OPCML: variants seen among roughly 807,000 people sequenced by gnomAD.
OPCML encodes opioid binding protein/cell adhesion molecule like.
A neutral mutation model predicts 37.8 loss-of-function variants in OPCML; 13 were observed. The observed-to-expected ratio is 0.34, with a 90% CI of 0.22 to 0.55. The LOEUF (loss-of-function observed/expected upper bound fraction) is 0.55, where lower values mean the gene tolerates loss of function less well. Ranked by LOEUF, OPCML falls within the 20% of genes least tolerant of loss-of-function variation. The pLI is 0.91. For synonymous variants in OPCML, 176 were observed against 168.8 expected (o/e 1.04, Z -0.33); for missense variants, 341 against 435.6 (o/e 0.78, Z 1.93).
chr11:133,205,250 G>T lies in OPCML; in HGVS notation c.62-262240C>A, dbSNP rs1378940615. 2.6e-5 allele frequency among the ~76,000 whole-genome samples: 4 copies of T among 152,066 alleles called. No homozygotes were observed. The highest frequency in any genetic ancestry group is 5.9e-5 in the Non-Finnish European group (4 of 68,004). ...GAAGAGCTTCTGGTTGCTGAACACT[G>T]GTAGGTTCCTTGAGGGTGGTGCTCT... On this transcript the variant is annotated intron_variant, in intron 1 of 7. Coordinates refer to ENST00000524381, the MANE Select transcript of OPCML (RefSeq NM_001012393.5). The surrounding 1 kb of genome is among the most constrained non-coding windows in gnomAD (Gnocchi z 4.8).
chr11:132,954,984 C>T (rs1032207982), intron 1 of OPCML, among the ~76,000 whole-genome samples: 1 of 152,108 alleles, frequency 6.6e-6, no homozygotes, highest in African/African-American at 2.4e-5. Context: ...GACAACCATG[C>T]TTTTGATCTG....
chr11:133,373,555 G>A (rs1159941342), intron 1 of OPCML, among the ~76,000 whole-genome samples: 2 of 150,268 alleles, frequency 1.3e-5, no homozygotes, highest in African/African-American at 4.9e-5. Flanking sequence ...AGCCTGGGAG[G>A]TGGAGGTTGC....
At chr11:132,931,637 T>C (rs1591818033) in intron 2 of OPCML, among the ~76,000 whole-genome samples, 1 of 152,136 alleles carries the variant, frequency 6.6e-6, no homozygotes, top group Non-Finnish European at 1.5e-5. Flanking sequence ...TCACTATTAA[T>C]GAAAATAATA....
intron 1 of OPCML, among the ~76,000 whole-genome samples, chr11:133,253,762 C>T (rs1468885469): frequency 4.6e-5 from 7 of 152,026 alleles, no homozygotes; most frequent in Non-Finnish European, 2.9e-5. Context: ...AAGTTAAGTG[C>T]AGGGAAGCAT....
chr11:133,145,816 G>A (rs527471954), intron 1 of OPCML, among the ~76,000 whole-genome samples: 73 of 152,280 alleles, frequency 4.8e-4, no homozygotes, highest in African/African-American at 1.7e-3. Context: ...TGGTTGCTGA[G>A]TGAATTCGCA....
At chr11:132,690,961 T>G (rs2135888549) in intron 2 of OPCML, among the ~76,000 whole-genome samples, 1 of 152,282 alleles carries the variant, frequency 6.6e-6, no homozygotes, top group Non-Finnish European at 1.5e-5. Flanking sequence ...TTACGAAACC[T>G]TTCAGGTTGA....
chr11:132,820,954 T>G (rs1939950453), intron 2 of OPCML, among the ~76,000 whole-genome samples: 1 of 152,138 alleles, frequency 6.6e-6, no homozygotes, highest in Non-Finnish European at 1.5e-5. Context: ...CATACAGCAT[T>G]AGGCATCAAA....
Position 132,477,944 on chromosome 11 carries a change from T to C in OPCML, c.506-40585A>G, listed in dbSNP as rs531725369. Among the ~76,000 whole-genome samples the C allele has an allele frequency of 7.2e-4, 109 of 152,346 alleles. 1 individual carries two copies. The highest frequency in any genetic ancestry group is 1.3e-3 in the Non-Finnish European group (89 of 68,036). On this transcript the variant is annotated intron_variant, in intron 4 of 7. Transcript: ENST00000524381. ...AAAGGGAAATACTTTATCAAATGTATGCATATATTTCTGAGATAATAGCAA... is the reference window on the plus strand; with the variant it reads ...AAAGGGAAATACTTTATCAAATGTACGCATATATTTCTGAGATAATAGCAA...
chr11:133,502,844 C>T (rs866146825), intron 1 of OPCML, among the ~76,000 whole-genome samples: 12 of 152,158 alleles, frequency 7.9e-5, no homozygotes, highest in Admixed American at 3.3e-4. Flanking sequence ...AGCCCCTCAC[C>T]TATGACAGAA....
intron 1 of OPCML, among the ~76,000 whole-genome samples, chr11:133,140,727 C>CGGAAGACGAAGACGGAAGACGGAA (rs5795824): frequency 1.8e-5 from 2 of 108,256 alleles, no homozygotes; most frequent in East Asian, 3.0e-4. Context: ...AGACGGAAGA[C>CGGAAGACGAAGACGGAAGACGGAA]GACGACGACG....
intron 1 of OPCML, among the ~76,000 whole-genome samples, chr11:133,284,894 A>G (rs1387887488): frequency 6.6e-6 from 1 of 152,040 alleles, no homozygotes; most frequent in Non-Finnish European, 1.5e-5. Flanking sequence ...TAGCAGGAAT[A>G]CCCCAAATGG....
At chr11:132,729,238 T>C (rs1235930715) in intron 2 of OPCML, among the ~76,000 whole-genome samples, 1 of 152,130 alleles carries the variant, frequency 6.6e-6, no homozygotes, top group Non-Finnish European at 1.5e-5. Context: ...CTTGTAGAGC[T>C]CAAGTAAAAG....
intron 2 of OPCML, among the ~76,000 whole-genome samples, chr11:132,797,447 C>T (rs1280672585): frequency 2.6e-5 from 4 of 152,212 alleles, no homozygotes; most frequent in East Asian, 1.9e-4. Context: ...ACTCAAAATC[C>T]TATTCTATTA....
rs374783818 is a variant in OPCML, at chr11:133,227,029, G to A, written c.62-284019C>T. On this transcript the variant is annotated intron_variant, in intron 1 of 7. Transcript: ENST00000524381. Reference sequence around the variant, plus strand: ...GCATCTGAGGAAAAGAATTTGCCTCGGCTGATGTGCCGGTGTCAGCTCGAA... The same window carrying A: ...GCATCTGAGGAAAAGAATTTGCCTCAGCTGATGTGCCGGTGTCAGCTCGAA... Among the ~76,000 whole-genome samples the A allele has an allele frequency of 8.7e-4, 133 of 152,248 alleles. No individual in the cohort carries two copies. The Middle Eastern group carries it at 0.01, about 12-fold the overall frequency.
At chr11:132,431,668 C>T (rs555170420) in intron 7 of OPCML, among the ~76,000 whole-genome samples, 1 of 152,332 alleles carries the variant, frequency 6.6e-6, no homozygotes, top group East Asian at 1.9e-4. Context: ...CCATTGTCTC[C>T]AGTTTTTGCC....
chr11:133,005,001 C>T lies in OPCML; in HGVS notation c.62-61991G>A, dbSNP rs1947079157. ...CACCTGGACTGCTGCACTCTTACTC[C>T]TCCCATCCCTCCTTTCTCAGCATTG... On this transcript the variant is annotated intron_variant, in intron 1 of 7. Coordinates refer to ENST00000524381, the MANE Select transcript of OPCML (RefSeq NM_001012393.5). 2.0e-6 allele frequency: 2 copies of T among 985,400 alleles called. 1 individual carries two copies. The highest frequency in any genetic ancestry group is 3.5e-5 in the African/African-American group (2 of 57,348). The allele number at this position is 985,400 out of a possible 1,614,324, so 61.0% of individuals were successfully genotyped here. A position where few individuals can be genotyped will look rare whatever the true frequency, so the allele number is the denominator to read the frequency against.
intron 1 of OPCML, among the ~76,000 whole-genome samples, chr11:132,963,389 A>G (rs939992507): frequency 2.6e-5 from 4 of 152,004 alleles, no homozygotes; most frequent in Admixed American, 2.6e-4. Context: ...CAGGAGTCTA[A>G]GACCAGCCTG....
intron 1 of OPCML, among the ~76,000 whole-genome samples, chr11:132,945,338 C>A (rs1485641696): frequency 1.3e-5 from 2 of 152,216 alleles, no homozygotes; most frequent in Non-Finnish European, 2.9e-5. Flanking sequence ...GTACAGCATG[C>A]TACTGTACTG....
Position 132,441,173 on chromosome 11 carries a change from T to G in OPCML, c.506-3814A>C, listed in dbSNP as rs1409088334. On this transcript the variant is annotated intron_variant, in intron 4 of 7. Transcript: ENST00000524381. ...TCACCAAGGACTTTTTTGTTTTTTT[T>G]TTTTTTTTTTTTGAGACGGAGTTTC... is the stretch of plus-strand genomic sequence containing the variant. Among the ~76,000 whole-genome samples, 8 of 117,044 alleles carry G rather than the reference T, an allele frequency of 6.8e-5. 1 individual carries two copies. Among genetic ancestry groups the G allele is most frequent in the East Asian group, 2.3e-4 (1 of 4,396 alleles). 76.8% of individuals were successfully genotyped at this position (117,044 alleles called of 152,430 possible). A position where few individuals can be genotyped will look rare whatever the true frequency, so the allele number is the denominator to read the frequency against.
Sources: allele counts gnomAD v4.1 joint callset (sites outside exome capture counted in the v4.1 genomes callset), GRCh38; gene constraint gnomAD v4.1.1; non-coding constraint Gnocchi (gnomAD v3.1); transcripts MANE v1.5; gene names NCBI Gene and HGNC (gene_info 2026-07-23, HGNC 2026-07-21).